Variants in TBC1D15 observed in about 807,000 individuals in gnomAD.
The protein encoded by TBC1D15 is GAP for RAB7.
TBC1D15 carries 39 observed loss-of-function variants against 95.4 expected under a neutral mutation model. The ratio of observed to expected loss-of-function variants is 0.41; its 90% CI spans 0.32 to 0.53. TBC1D15 has a LOEUF of 0.53. Ranked by LOEUF, TBC1D15 falls within the 20% of genes least tolerant of loss-of-function variation. The pLI is 0.29. For missense variants in TBC1D15, 733 were observed against 794.3 expected (o/e 0.92, Z 0.93); for synonymous variants, 258 against 261.3 (o/e 0.99, Z 0.12).
chr12:71,919,968 A>G (rs893256726), intron 14 of TBC1D15, among the ~76,000 whole-genome samples: 16 of 152,220 alleles, frequency 1.1e-4, no homozygotes, highest in South Asian at 4.1e-4. Flanking sequence ...ACTTTCAACA[A>G]TTGGGTTTAG....
At chr12:71,893,362 C>T in intron 6 of TBC1D15, 38 bp downstream of exon 6, 3 of 1,468,552 alleles carry the variant, frequency 2.0e-6, no homozygotes, top group Non-Finnish European at 2.8e-6. Context: ...ATTCTGACTG[C>T]ATTATTTTAT....
At chr12:71,875,416 G>A (rs190410012) in intron 3 of TBC1D15, among the ~76,000 whole-genome samples, 1 of 151,428 alleles carries the variant, frequency 6.6e-6, no homozygotes, top group East Asian at 1.9e-4. Flanking sequence ...TTCTTTTGTT[G>A]CCTGTGCTTT....
intron 4 of TBC1D15, 124 bp downstream of exon 4, chr12:71,880,731 T>G (rs1894970002): frequency 9.3e-7 from 1 of 1,074,314 alleles, no homozygotes; most frequent in Non-Finnish European, 1.3e-6. Flanking sequence ...GGTTAATAGG[T>G]ATAAATCTCA....
intron 3 of TBC1D15, among the ~76,000 whole-genome samples, chr12:71,879,118 C>T (rs1487006346): frequency 6.6e-6 from 1 of 150,806 alleles, no homozygotes; most frequent in African/African-American, 2.5e-5. Context: ...TTTTCCCTTA[C>T]CTGTCTCTCT....
chr12:71,843,452 A>G (rs1395359682), intron 1 of TBC1D15, among the ~76,000 whole-genome samples: 1 of 152,144 alleles, frequency 6.6e-6, no homozygotes, highest in Non-Finnish European at 1.5e-5. Context: ...GAATATTCTT[A>G]GTATCTAGAT....
At chr12:71,914,790 G>A (rs913976676) in intron 12 of TBC1D15, among the ~76,000 whole-genome samples, 5 of 152,054 alleles carry the variant, frequency 3.3e-5, no homozygotes, top group African/African-American at 1.2e-4. Flanking sequence ...GTTTAACTCA[G>A]AGTTTCTGGG....
intron 10 of TBC1D15, among the ~76,000 whole-genome samples, chr12:71,905,217 G>T (rs1236276694): frequency 6.6e-6 from 1 of 152,004 alleles, no homozygotes; most frequent in African/African-American, 2.4e-5. Flanking sequence ...TTTAAAATAC[G>T]TATTAAGGCA....
At chr12:71,848,142 G>A (rs1886811210) in intron 1 of TBC1D15, among the ~76,000 whole-genome samples, 1 of 152,074 alleles carries the variant, frequency 6.6e-6, no homozygotes. Flanking sequence ...AATTAAAGCT[G>A]CTCTGAGCAT....
At position 71,894,593 on chromosome 12, in the gene TBC1D15, C is replaced by G. The variant is rs1242709147; in HGVS notation, c.658-93C>G. On this transcript the variant is annotated intron_variant, in intron 6 of 16. Coordinates refer to ENST00000485960, the MANE Select transcript of TBC1D15 (RefSeq NM_001146213.3). ...CTCTGTTTTAGTCCTGATTTCTTTT[C>G]TTTTAAAAAGCTTTGCTTTTTTGCT... The G allele has an allele frequency of 6.5e-6, 8 of 1,231,184 alleles. No homozygotes were observed. The African/African-American group carries it at 1.2e-4, about 19-fold the overall frequency. 76.3% of individuals were successfully genotyped at this position (1,231,184 alleles called of 1,614,324 possible). A position where few individuals can be genotyped will look rare whatever the true frequency, so the allele number is the denominator to read the frequency against.
Position 71,920,772 on chromosome 12 carries a change from TCTC to T in TBC1D15, c.1642_1644del (p.Leu548del). 1 of 1,613,004 alleles carries T rather than the reference TCTC, an allele frequency of 6.2e-7. No individual in the cohort carries two copies. The highest frequency in any genetic ancestry group is 8.5e-7 in the Non-Finnish European group (1 of 1,179,530). On this transcript the variant is annotated inframe_deletion, in exon 15 of 17. Transcript: ENST00000485960. ...TACCATGTACAAATTTCCATCTTCT[TCTC>T]TGTTGTGCTATTCTGGAATCAGAAA...
At chr12:71,898,982 TTAATC>T (rs1242119171) in intron 10 of TBC1D15, among the ~76,000 whole-genome samples, 3 of 152,192 alleles carry the variant, frequency 2.0e-5, no homozygotes, top group African/African-American at 4.8e-5. Flanking sequence ...GTTTTGGAGT[TTAATC>T]TAAAGTTTCT....
At chr12:71,922,898 A>G (rs1231114840) in intron 16 of TBC1D15, 85 bp from the exon 17 acceptor site, 5 of 1,231,188 alleles carry the variant, frequency 4.1e-6, no homozygotes, top group African/African-American at 3.0e-5. Context: ...TCTGGAATCA[A>G]TGTAGTCTTA....
chr12:71,900,745 A>G (rs1899197312), intron 10 of TBC1D15, among the ~76,000 whole-genome samples: 1 of 152,152 alleles, frequency 6.6e-6, no homozygotes, highest in African/African-American at 2.4e-5. Context: ...TATGTTAGTG[A>G]TACATGCCAA....
intron 5 of TBC1D15, 115 bp downstream of exon 5, chr12:71,885,136 A>T: frequency 1.1e-6 from 1 of 904,530 alleles, no homozygotes. Context: ...GAGGACATGA[A>T]CAGCTTAGTT....
chr12:71,869,843 C>T (rs577599289), intron 1 of TBC1D15, among the ~76,000 whole-genome samples: 1 of 152,018 alleles, frequency 6.6e-6, no homozygotes, highest in African/African-American at 2.4e-5. Flanking sequence ...CTGGACTTTC[C>T]TTTTTTCATG....
At chr12:71,916,786 T>G (rs1372486329) in intron 12 of TBC1D15, among the ~76,000 whole-genome samples, 1 of 151,978 alleles carries the variant, frequency 6.6e-6, no homozygotes, top group Non-Finnish European at 1.5e-5. Context: ...TGGTAGGGAG[T>G]CTACTCAACT....
intron 1 of TBC1D15, among the ~76,000 whole-genome samples, chr12:71,861,787 T>C (rs1890431909): frequency 6.6e-6 from 1 of 152,110 alleles, no homozygotes; most frequent in South Asian, 2.1e-4. Flanking sequence ...GTTGTTTATT[T>C]GAACTCTTCC....
At chr12:71,891,960 A>G (rs1897267040) in intron 5 of TBC1D15, among the ~76,000 whole-genome samples, 1 of 152,104 alleles carries the variant, frequency 6.6e-6, no homozygotes, top group Non-Finnish European at 1.5e-5. Flanking sequence ...ATTGTTAGAA[A>G]CAAAATGATG....
At chr12:71,922,955 G>C in intron 16 of TBC1D15, 28 bp from the exon 17 acceptor site, 1 of 1,606,720 alleles carries the variant, frequency 6.2e-7, no homozygotes, top group African/African-American at 1.3e-5. Context: ...AGTGAAATAT[G>C]GTTTTGAGTT....
Sources: allele counts gnomAD v4.1 joint callset (sites outside exome capture counted in the v4.1 genomes callset), GRCh38; gene constraint gnomAD v4.1.1; transcripts MANE v1.5; gene names NCBI Gene and HGNC (gene_info 2026-07-23, HGNC 2026-07-21).